PIK3CD: variants seen among roughly 807,000 people sequenced by gnomAD.
PIK3CD encodes the protein phosphatidylinositol 4,5-bisphosphate 3-kinase catalytic subunit delta isoform.
In PIK3CD, 20 loss-of-function variants were observed where a neutral mutation model predicts 122.9. The observed-to-expected ratio is 0.16, with a 90% CI of 0.11 to 0.24. The LOEUF (loss-of-function observed/expected upper bound fraction) is 0.24, where lower values mean the gene tolerates loss of function less well. Ranked by LOEUF, PIK3CD falls within the 10% of genes least tolerant of loss-of-function variation. PIK3CD has a pLI of 1.00. For missense variants in PIK3CD, 787 were observed against 1,406.3 expected (o/e 0.56, Z 7.04); for synonymous variants, 596 against 593.4 (o/e 1.00, Z -0.06).
chr1:9,695,921 TTC>T (rs1646399100), intron 2 of PIK3CD, among the ~76,000 whole-genome samples: 1 of 151,054 alleles, frequency 6.6e-6, no homozygotes, highest in African/African-American at 2.4e-5. Context: ...AATTAATTAA[TTC>T]TGAGGGAAAT....
At chr1:9,714,024 T>A (rs1201582526) in intron 3 of PIK3CD, among the ~76,000 whole-genome samples, 3 of 151,942 alleles carry the variant, frequency 2.0e-5, no homozygotes, top group African/African-American at 7.3e-5. Context: ...AACTAATTTT[T>A]TATTTTTTGT....
chr1:9,653,789 A>G (rs1370472478), intron 1 of PIK3CD: 1 of 1,366,088 alleles, frequency 7.3e-7, no homozygotes, highest in African/African-American at 1.5e-5. Flanking sequence ...TCATTTCTTG[A>G]TATTAGGATT....
Position 9,716,158 on chromosome 1 carries a change from C to T in PIK3CD, c.600+80C>T, listed in dbSNP as rs149807126. On this transcript the variant is annotated intron_variant, in intron 5 of 23. Coordinates refer to ENST00000377346, the MANE Select transcript of PIK3CD (RefSeq NM_005026.5). The stretch of plus-strand genomic sequence containing the variant: ...TCCTCTGTGAAACTCCTCAGTCATC[C>T]GCAAGCCCCCCTCCCCCAGTGGCAT... 4.4e-4 allele frequency: 524 copies of T among 1,188,874 alleles called. 3 individuals carry two copies. The African/African-American group carries it at 6.1e-3, about 14-fold the overall frequency. 73.6% of individuals were successfully genotyped at this position (1,188,874 alleles called of 1,614,324 possible). A position where few individuals can be genotyped will look rare whatever the true frequency, so the allele number is the denominator to read the frequency against.
At chr1:9,673,822 G>A (rs1645415044) in intron 1 of PIK3CD, among the ~76,000 whole-genome samples, 1 of 152,168 alleles carries the variant, frequency 6.6e-6, no homozygotes, top group South Asian at 2.1e-4. Context: ...GGTTTCTGAA[G>A]CACTCAGCTT....
At chr1:9,630,739 T>TGTGTGTGTGTGC in the PIK3CD span, among the ~76,000 whole-genome samples, 5 of 150,964 alleles carry the variant, frequency 3.3e-5, no homozygotes, top group African/African-American at 1.2e-4. Context: ...TGTGTGTGTG[T>TGTGTGTGTGTGC]GCAGAAGAGG....
chr1:9,715,164 G>C lies in PIK3CD; in HGVS notation c.142-377G>C, dbSNP rs1285701137. ...TGCACTCCAACCTGGGCGACAGAGT[G>C]GGACTCCATCTCAAAAATAAAATAA... On this transcript the variant is annotated intron_variant, in intron 3 of 23. Transcript: ENST00000377346. The surrounding 1 kb of genome is among the most constrained non-coding windows in gnomAD (Gnocchi z 4.1). Among the ~76,000 whole-genome samples the C allele has an allele frequency of 6.6e-6, 1 of 151,968 alleles. No homozygotes were observed. The highest frequency in any genetic ancestry group is 1.9e-4 in the East Asian group (1 of 5,206).
chr1:9,666,227 CTTTTTTTTTTT>C (rs573382597), intron 1 of PIK3CD, among the ~76,000 whole-genome samples: 6 of 44,198 alleles, frequency 1.4e-4, no homozygotes, highest in South Asian at 1.1e-3. Context: ...CGCGCCCGGT[CTTTTTTTTTTT>C]TTTTTTTTTT....
chr1:9,638,777 ATT>A, the PIK3CD span, among the ~76,000 whole-genome samples: 7 of 116,970 alleles, frequency 6.0e-5, no homozygotes, highest in Non-Finnish European at 1.0e-4. Flanking sequence ...CTTTTGCAAG[ATT>A]TTTTTTTTTT....
Position 9,717,475 on chromosome 1 carries a change from T to C in PIK3CD, c.931-62T>C. The C allele has an allele frequency of 6.5e-7, 1 of 1,528,532 alleles. No individual in the cohort carries two copies. Among genetic ancestry groups the C allele is most frequent in the Non-Finnish European group, 9.1e-7 (1 of 1,102,752 alleles). The allele number at this position is 1,528,532 out of a possible 1,614,324, so 94.7% of individuals were successfully genotyped here. A position where few individuals can be genotyped will look rare whatever the true frequency, so the allele number is the denominator to read the frequency against. On this transcript the variant is annotated intron_variant, in intron 7 of 23. Transcript: ENST00000377346. This position sits in a 1 kb window ranked among gnomAD's most constrained non-coding sequence, Gnocchi z 5.4. ...CCCCAAGTGGTCACGGGCCTCACCA[T>C]AGGCCAGGGAGACAAGCTGCACTTT...
rs373874883 is a variant in PIK3CD, at chr1:9,655,418, G to GA, written c.-138+3622dup. On this transcript the variant is annotated intron_variant, in intron 1 of 23. Coordinates refer to ENST00000377346, the MANE Select transcript of PIK3CD (RefSeq NM_005026.5). The stretch of plus-strand genomic sequence containing the variant: ...CAGAAATGCTGCCAGTTTCAAGATG[G>GA]AAAAAATAAAAAACCCAGGAACCCC... Among the ~76,000 whole-genome samples, 507 of 150,502 alleles carry GA rather than the reference G, an allele frequency of 3.4e-3. 2 individuals are homozygous for GA. The highest frequency in any genetic ancestry group is 0.012 in the African/African-American group (492 of 40,852).
Position 9,700,801 on chromosome 1 carries a change from C to A in PIK3CD, c.-33+9230C>A, listed in dbSNP as rs1341804713. 6.6e-6 allele frequency among the ~76,000 whole-genome samples: 1 copy of A among 152,172 alleles called. No individual in the cohort carries two copies. The highest frequency in any genetic ancestry group is 1.5e-5 in the Non-Finnish European group (1 of 68,032). ...TGTCTTATCCCACCAGAAATCTCTT[C>A]CTTTCCTGTCTCAGTAAATTCCCAC... On this transcript the variant is annotated intron_variant, in intron 2 of 23. Transcript: ENST00000377346. The surrounding 1 kb of genome is among the most constrained non-coding windows in gnomAD (Gnocchi z 5.1).
chr1:9,683,242 T>C (rs1033051001), intron 1 of PIK3CD, among the ~76,000 whole-genome samples: 2 of 150,924 alleles, frequency 1.3e-5, no homozygotes, highest in African/African-American at 4.9e-5. Flanking sequence ...ATTGAGACCA[T>C]CCTGGCTCAC....
chr1:9,627,347 G>A, the PIK3CD span, among the ~76,000 whole-genome samples: 1 of 152,246 alleles, frequency 6.6e-6, no homozygotes, highest in Admixed American at 6.5e-5. Context: ...GCAGCACAGA[G>A]GTGTGCACCT....
chr1:9,676,971 G>A (rs1238975908), intron 1 of PIK3CD, among the ~76,000 whole-genome samples: 4 of 152,222 alleles, frequency 2.6e-5, no homozygotes, highest in Non-Finnish European at 4.4e-5. Flanking sequence ...GCCAAGGAGA[G>A]AGTGTGACCA....
intron 2 of PIK3CD, among the ~76,000 whole-genome samples, chr1:9,696,611 G>A (rs1013789932): frequency 4.6e-5 from 7 of 151,172 alleles, no homozygotes; most frequent in African/African-American, 9.7e-5. Flanking sequence ...GTTAGCTGGC[G>A]TGGTAGCATG....
intron 1 of PIK3CD, among the ~76,000 whole-genome samples, chr1:9,666,866 AT>A (rs57178903): frequency 0.019 from 2,097 of 111,732 alleles, 46 homozygotes; most frequent in African/African-American, 0.06. Flanking sequence ...CATGCCTGCT[AT>A]TTTTTTTTTT....
At chr1:9,679,976 C>G (rs1042394985) in intron 1 of PIK3CD, among the ~76,000 whole-genome samples, 16 of 151,950 alleles carry the variant, frequency 1.1e-4, no homozygotes, top group Non-Finnish European at 1.8e-4. Flanking sequence ...AGGCGCCCAC[C>G]ACCACACCGG....
rs1482648183 is a variant in PIK3CD, at chr1:9,716,598, C to T, written c.759C>T (p.Ser253=). 1.9e-6 allele frequency: 3 copies of T among 1,565,090 alleles called. No homozygotes were observed. The Admixed American group carries it at 5.7e-5, about 30-fold the overall frequency. ...GCAGGCATGAGTACCTGTATGGCAG[C>T]TACCCGCTCTGCCAGTTCCAGGTGA... is the stretch of plus-strand genomic sequence containing the variant. ...VNGRHEYLYG[S]YPLCQFQYIC... Residue 253 remains serine (S), a synonymous_variant, in exon 6 of 24, where the codon AGC becomes AGT. Transcript: ENST00000377346.
chr1:9,716,580 T>C lies in PIK3CD; in HGVS notation c.741T>C (p.His247=). ...EDYTLQVNGR[H]EYLYGSYPLC... ...ACACGCTGCAGGTGAACGGCAGGCATGAGTACCTGTATGGCAGCTACCCGC... is the reference window on the plus strand; with the variant it reads ...ACACGCTGCAGGTGAACGGCAGGCACGAGTACCTGTATGGCAGCTACCCGC... The change falls in exon 6 of 24, where the codon CAT becomes CAC. Residue 247 remains histidine, a synonymous_variant. Coordinates refer to ENST00000377346, the MANE Select transcript of PIK3CD (RefSeq NM_005026.5). 6.3e-7 allele frequency: 1 copy of C among 1,585,268 alleles called. No individual in the cohort carries two copies. Among genetic ancestry groups the C allele is most frequent in the South Asian group, 1.1e-5 (1 of 88,116 alleles).
Sources: gnomAD v4.1 joint callset for allele counts (sites outside exome capture counted in the v4.1 genomes callset) on GRCh38, gnomAD v4.1.1 for gene constraint, Gnocchi (gnomAD v3.1) non-coding constraint, MANE v1.5 for transcripts, NCBI Gene and HGNC (gene_info 2026-07-23, HGNC 2026-07-21) for gene names.